The following PTER variants were observed in gnomAD, a reference collection of about 807,000 sequenced individuals.
PTER encodes the protein phosphotriesterase related.
Under a neutral mutation model 29.6 loss-of-function variants are expected in PTER, and 38 were observed. The observed-to-expected ratio is 1.28, with a 90% confidence interval of 0.99 to 1.68. PTER has a LOEUF of 1.68. Ranked by LOEUF, PTER falls within the 40% of genes most tolerant of loss-of-function variation. The probability of loss-of-function intolerance (pLI) is 0.00; values close to 1 mark genes in which losing one functional copy is unlikely to be tolerated. For synonymous variants in PTER, 172 were observed against 154.5 expected (o/e 1.11, Z -0.84); for missense variants, 482 against 427.8 (o/e 1.13, Z -1.12).
At chr10:16,440,105 G>A (rs1038672659) in intron 1 of PTER, among the ~76,000 whole-genome samples, 1 of 123,300 alleles carries the variant, frequency 8.1e-6, no homozygotes, top group Non-Finnish European at 1.6e-5. Flanking sequence ...TCACTCTATT[G>A]CCCAGACTGG....
chr10:16,473,534 A>C (rs1020078140), intron 1 of PTER, among the ~76,000 whole-genome samples: 1 of 150,798 alleles, frequency 6.6e-6, no homozygotes, highest in South Asian at 2.1e-4. Flanking sequence ...AAAAAAAAAA[A>C]AAAAAAAAAA....
chr10:16,484,264 C>A (rs1182153993), intron 1 of PTER, 73 bp from the exon 2 acceptor site: 19 of 976,356 alleles, frequency 1.9e-5, no homozygotes, highest in Non-Finnish European at 2.9e-5. Context: ...AGCCTCCCAC[C>A]CCTTACGGAC....
At chr10:16,486,265 A>G in intron 2 of PTER, 87 bp from the exon 3 acceptor site, 1 of 1,339,004 alleles carries the variant, frequency 7.5e-7, no homozygotes, top group Admixed American at 2.3e-5. Flanking sequence ...GAATGACAAA[A>G]TAAATAAATT....
intron 4 of PTER, among the ~76,000 whole-genome samples, chr10:16,508,311 G>A (rs534979989): frequency 1.5e-4 from 23 of 152,008 alleles, no homozygotes; most frequent in South Asian, 1.0e-3. Context: ...CTCGTGATCC[G>A]CCCGCCTCGG....
intron 1 of PTER, among the ~76,000 whole-genome samples, chr10:16,444,187 A>G (rs1040563010): frequency 6.6e-6 from 1 of 151,624 alleles, no homozygotes; most frequent in Admixed American, 6.6e-5. Context: ...TTTTTAGTAT[A>G]TTTTCAGCAT....
intron 1 of PTER, among the ~76,000 whole-genome samples, chr10:16,473,226 G>C (rs563778549): frequency 6.6e-6 from 1 of 151,846 alleles, no homozygotes; most frequent in African/African-American, 2.4e-5. Flanking sequence ...GGGAATAAAG[G>C]AGGCCTTCTG....
intron 1 of PTER, among the ~76,000 whole-genome samples, chr10:16,470,310 C>A (rs151314216): frequency 6.6e-6 from 1 of 152,222 alleles, no homozygotes; most frequent in South Asian, 2.1e-4. Flanking sequence ...ATTGTTGGTT[C>A]CCAGCCTCCA....
intron 3 of PTER, 154 bp downstream of exon 3, chr10:16,486,771 C>A: frequency 1.1e-6 from 1 of 903,710 alleles, no homozygotes; most frequent in Non-Finnish European, 1.6e-6. Flanking sequence ...TCACAACTGA[C>A]ATGAATAAAA....
chr10:16,514,734 T>A (rs752829499), downstream of PTER: 9 of 1,560,420 alleles, frequency 5.8e-6, no homozygotes, highest in South Asian at 9.3e-5. Context: ...AGAATTAGGA[T>A]GCGTAAATGA....
At chr10:16,492,711 A>G (rs549287103) in intron 3 of PTER, among the ~76,000 whole-genome samples, 1 of 152,338 alleles carries the variant, frequency 6.6e-6, no homozygotes, top group East Asian at 1.9e-4. Context: ...TTGGTTATCT[A>G]TTCAACAAGC....
At position 16,458,381 on chromosome 10, in the gene PTER, G is replaced by A. The variant is rs1316010227; in HGVS notation, c.-49+21334G>A. 2.6e-5 allele frequency among the ~76,000 whole-genome samples: 4 copies of A among 152,178 alleles called. No homozygotes were observed. In the East Asian group the frequency reaches 5.8e-4, roughly 22 times the overall value. ...AAGTGATTGCAGTGTATGCATGGGG[G>A]GACTGTGCTTATGCGATTATGATAT... is the stretch of plus-strand genomic sequence containing the variant. On this transcript the variant is annotated intron_variant, in intron 1 of 4. Coordinates refer to ENST00000535784, the MANE Select transcript of PTER (RefSeq NM_001261836.2).
At chr10:16,468,933 C>A (rs990161039) in intron 1 of PTER, among the ~76,000 whole-genome samples, 1 of 151,974 alleles carries the variant, frequency 6.6e-6, no homozygotes, top group South Asian at 2.1e-4. Flanking sequence ...TACGATCATA[C>A]CCCTGTACCC....
At chr10:16,468,290 C>T (rs573292956) in intron 1 of PTER, among the ~76,000 whole-genome samples, 32 of 152,014 alleles carry the variant, frequency 2.1e-4, no homozygotes, top group Admixed American at 1.8e-3. Flanking sequence ...TGCAGTGAGC[C>T]GAGATCAAAC....
chr10:16,442,901 G>A (rs1008746260), intron 1 of PTER, among the ~76,000 whole-genome samples: 4 of 152,150 alleles, frequency 2.6e-5, no homozygotes, highest in Non-Finnish European at 5.9e-5. Flanking sequence ...GAACCCGGGA[G>A]GCGAAGGTTG....
At chr10:16,494,927 A>G (rs536526590) in intron 3 of PTER, among the ~76,000 whole-genome samples, 2 of 151,720 alleles carry the variant, frequency 1.3e-5, no homozygotes, top group African/African-American at 4.8e-5. Context: ...AAATTAGAGT[A>G]TAGTAAATTA....
intron 4 of PTER, among the ~76,000 whole-genome samples, chr10:16,510,064 C>T (rs1007079577): frequency 6.6e-6 from 1 of 151,978 alleles, no homozygotes; most frequent in Non-Finnish European, 1.5e-5. Flanking sequence ...AGGCACTGTC[C>T]GTCCGTCTAG....
chr10:16,500,706 C>T (rs7917386), intron 3 of PTER, among the ~76,000 whole-genome samples: 12 of 151,880 alleles, frequency 7.9e-5, no homozygotes, highest in Non-Finnish European at 1.3e-4. Flanking sequence ...GAATTGGGTC[C>T]CTACAGTCCC....
intron 3 of PTER, among the ~76,000 whole-genome samples, chr10:16,487,687 T>A (rs2133457031): frequency 6.6e-6 from 1 of 152,328 alleles, no homozygotes; most frequent in South Asian, 2.1e-4. Context: ...GCTGTTAATT[T>A]TATGAACAAG....
chr10:16,446,610 T>C (rs1294698261), intron 1 of PTER, among the ~76,000 whole-genome samples: 1 of 152,182 alleles, frequency 6.6e-6, no homozygotes, highest in African/African-American at 2.4e-5. Context: ...TTGTTAGATT[T>C]GTTATATATA....
Sources: gnomAD v4.1 joint callset for allele counts (sites outside exome capture counted in the v4.1 genomes callset) on GRCh38, gnomAD v4.1.1 for gene constraint, MANE v1.5 for transcripts, NCBI Gene and HGNC (gene_info 2026-07-23, HGNC 2026-07-21) for gene names.